The following PTPRR variants were observed in gnomAD, a reference collection of about 807,000 sequenced individuals.
PTPRR encodes the protein protein tyrosine phosphatase receptor type R, also known as receptor-type tyrosine-protein phosphatase R.
A neutral mutation model predicts 77.2 loss-of-function variants in PTPRR; 38 were observed. That is an observed-to-expected ratio of 0.49 (90% CI 0.38 to 0.65). The LOEUF (loss-of-function observed/expected upper bound fraction) is 0.65. PTPRR is among the 30% of genes least tolerant of loss of function. The pLI, the probability that PTPRR is intolerant of heterozygous loss-of-function variation, is 0.00. For missense variants in PTPRR, 744 were observed against 799.2 expected (o/e 0.93, Z 0.83); for synonymous variants, 299 against 283.1 (o/e 1.06, Z -0.57).
At chr12:70,736,958 C>T (rs1889883013) in intron 6 of PTPRR, among the ~76,000 whole-genome samples, 1 of 152,202 alleles carries the variant, frequency 6.6e-6, no homozygotes, top group African/African-American at 2.4e-5. Context: ...GTGCCCCACC[C>T]AGGTCGCCTT....
At chr12:70,909,361 A>G (rs576520226) in intron 1 of PTPRR, among the ~76,000 whole-genome samples, 2 of 152,320 alleles carry the variant, frequency 1.3e-5, no homozygotes, top group African/African-American at 4.8e-5. Context: ...GGAGTATGCA[A>G]ATTGTGCACA....
intron 1 of PTPRR, among the ~76,000 whole-genome samples, chr12:70,895,119 A>T (rs1893404231): frequency 6.6e-6 from 1 of 151,716 alleles, no homozygotes; most frequent in Non-Finnish European, 1.5e-5. Flanking sequence ...GTTGCTGAAG[A>T]TGTAAGACGT....
At chr12:70,891,534 T>G (rs1371937760) in intron 2 of PTPRR, among the ~76,000 whole-genome samples, 2 of 152,162 alleles carry the variant, frequency 1.3e-5, no homozygotes, top group African/African-American at 4.8e-5. Flanking sequence ...ATATTTTCTC[T>G]TAACAAGAGT....
intron 8 of PTPRR, among the ~76,000 whole-genome samples, chr12:70,697,784 G>A (rs1193187847): frequency 6.6e-6 from 1 of 151,942 alleles, no homozygotes; most frequent in Non-Finnish European, 1.5e-5. Flanking sequence ...TCCATTTGTT[G>A]AAAAGACTCT....
chr12:70,696,101 G>A (rs552958526), intron 8 of PTPRR, among the ~76,000 whole-genome samples: 14 of 151,930 alleles, frequency 9.2e-5, no homozygotes, highest in Admixed American at 4.6e-4. Context: ...GAGCTTTGTC[G>A]TGAGATGTTT....
intron 2 of PTPRR, among the ~76,000 whole-genome samples, chr12:70,883,956 TTCTC>T (rs1305379806): frequency 1.3e-5 from 2 of 152,228 alleles, no homozygotes; most frequent in Middle Eastern, 3.2e-3. Flanking sequence ...TCTGTCTGCA[TTCTC>T]TCACCCACTC....
intron 10 of PTPRR, among the ~76,000 whole-genome samples, chr12:70,676,458 A>G (rs1210045014): frequency 6.6e-6 from 1 of 151,820 alleles, no homozygotes; most frequent in East Asian, 1.9e-4. Flanking sequence ...ATTTTAATTT[A>G]TGTGAATCTA....
chr12:70,640,697 C>T (rs1406230048), intron 13 of PTPRR, among the ~76,000 whole-genome samples: 1 of 152,138 alleles, frequency 6.6e-6, no homozygotes, highest in Non-Finnish European at 1.5e-5. Flanking sequence ...ATTATTTAGG[C>T]ACTTCAACTT....
intron 6 of PTPRR, among the ~76,000 whole-genome samples, chr12:70,703,631 T>C (rs1338840583): frequency 6.6e-6 from 1 of 152,214 alleles, no homozygotes; most frequent in African/African-American, 2.4e-5. Flanking sequence ...CTGATAATAG[T>C]TTGCCGATTG....
chr12:70,743,070 G>A (rs1157341243), intron 6 of PTPRR, among the ~76,000 whole-genome samples: 1 of 152,134 alleles, frequency 6.6e-6, no homozygotes, highest in Non-Finnish European at 1.5e-5. Context: ...ATCACTAAAA[G>A]GTGGTAAGAT....
chr12:70,669,514 T>C (rs989964925), intron 10 of PTPRR, among the ~76,000 whole-genome samples: 2 of 150,082 alleles, frequency 1.3e-5, no homozygotes, highest in Non-Finnish European at 3.0e-5. Flanking sequence ...GCTATATATA[T>C]ATATAAGCTA....
At chr12:70,762,742 G>A (rs979436731) in intron 3 of PTPRR, among the ~76,000 whole-genome samples, 4 of 152,120 alleles carry the variant, frequency 2.6e-5, no homozygotes, top group African/African-American at 9.7e-5. Flanking sequence ...AACGTAAGAG[G>A]CTTGCCCACA....
chr12:70,888,719 G>A (rs1893283525), intron 2 of PTPRR, among the ~76,000 whole-genome samples: 5 of 152,006 alleles, frequency 3.3e-5, no homozygotes, highest in Admixed American at 2.6e-4. Context: ...GCCTGTGTTT[G>A]AATCATGCTT....
At chr12:70,769,166 T>C (rs1479369680) in intron 2 of PTPRR, among the ~76,000 whole-genome samples, 16 of 144,030 alleles carry the variant, frequency 1.1e-4, no homozygotes, top group African/African-American at 3.8e-4. Flanking sequence ...CCAGGGCAAT[T>C]AGGCAGGAGA....
At chr12:70,811,008 G>A (rs1046633851) in intron 2 of PTPRR, among the ~76,000 whole-genome samples, 4 of 152,150 alleles carry the variant, frequency 2.6e-5, no homozygotes, top group African/African-American at 9.7e-5. Context: ...CAAAAAGTCA[G>A]TGTGCCCTTA....
chr12:70,804,828 G>C (rs1362897389), intron 2 of PTPRR, among the ~76,000 whole-genome samples: 1 of 151,810 alleles, frequency 6.6e-6, no homozygotes, highest in Non-Finnish European at 1.5e-5. Context: ...TCACTGCACT[G>C]GTGTTTGCAG....
intron 4 of PTPRR, among the ~76,000 whole-genome samples, chr12:70,755,468 C>G (rs1890538810): frequency 6.6e-6 from 1 of 152,118 alleles, no homozygotes. Flanking sequence ...TGAGAACTTT[C>G]ATTCTGGAAT....
Position 70,747,768 on chromosome 12 carries a change from G to T in PTPRR, c.739-1682C>A, listed in dbSNP as rs185360228. On this transcript the variant is annotated intron_variant, in intron 5 of 13. Transcript: ENST00000283228. ...ACTGATTTCTACATCTTTAATTAGG[G>T]AAAAGTAGAACCTGGAGAATGTATG... Among the ~76,000 whole-genome samples the T allele has an allele frequency of 1.6e-4, 25 of 152,204 alleles. No individual in the cohort carries two copies. The East Asian group carries it at 4.8e-3, about 29-fold the overall frequency.
chr12:70,821,831 A>T (rs897413931), intron 2 of PTPRR, among the ~76,000 whole-genome samples: 5 of 151,244 alleles, frequency 3.3e-5, no homozygotes, highest in African/African-American at 1.2e-4. Flanking sequence ...CGCCTGCCTA[A>T]TTTTTTGTAT....
Sources: allele counts gnomAD v4.1 joint callset (sites outside exome capture counted in the v4.1 genomes callset), GRCh38; gene constraint gnomAD v4.1.1; transcripts MANE v1.5; gene names NCBI Gene and HGNC (gene_info 2026-07-23, HGNC 2026-07-21).